MACROD2: variants seen among roughly 807,000 people sequenced by gnomAD.
The protein encoded by MACROD2 is mono-ADP ribosylhydrolase 2.
In MACROD2, 36 loss-of-function variants were observed where a neutral mutation model predicts 70.4. That is an observed-to-expected ratio of 0.51 (90% CI 0.39 to 0.68). MACROD2 has a LOEUF of 0.68. Among genes scored for constraint, MACROD2 ranks in the 30% least tolerant of loss-of-function variants. The pLI, the probability that MACROD2 is intolerant of heterozygous loss-of-function variation, is 0.00. For missense variants in MACROD2, 496 were observed against 538.4 expected, an observed-to-expected ratio of 0.92 and a Z score of 0.78; for synonymous variants, 172 against 178.8, an observed-to-expected ratio of 0.96 and a Z score of 0.30.
At chr20:14,385,981 G>A (rs149587532) in intron 3 of MACROD2, among the ~76,000 whole-genome samples, 1 of 152,046 alleles carries the variant, frequency 6.6e-6, no homozygotes, top group Non-Finnish European at 1.5e-5. Context: ...TGTATTGAAG[G>A]CATGTACATT....
At chr20:15,312,320 T>A (rs1179231963) in intron 6 of MACROD2, among the ~76,000 whole-genome samples, 1 of 152,236 alleles carries the variant, frequency 6.6e-6, no homozygotes, top group African/African-American at 2.4e-5. Flanking sequence ...CTATTTGGCT[T>A]TGATTTTTAA....
intron 5 of MACROD2, among the ~76,000 whole-genome samples, chr20:14,691,459 A>C (rs2123611508): frequency 6.6e-6 from 1 of 152,270 alleles, no homozygotes; most frequent in Middle Eastern, 3.4e-3. Flanking sequence ...GCCTAGAAAA[A>C]TATGGTGATT....
chr20:14,594,095 T>C (rs1981961012), intron 4 of MACROD2, among the ~76,000 whole-genome samples: 1 of 152,208 alleles, frequency 6.6e-6, no homozygotes, highest in South Asian at 2.1e-4. Flanking sequence ...CCAATGAAGA[T>C]AGTAGGAGTA....
chr20:15,902,645 G>T (rs901939736), intron 10 of MACROD2, among the ~76,000 whole-genome samples: 1 of 151,922 alleles, frequency 6.6e-6, no homozygotes, highest in African/African-American at 2.4e-5. Flanking sequence ...CTTGCTCTGG[G>T]GTAAGGCAGC....
chr20:14,683,553 A>G (rs914463687), intron 4 of MACROD2, among the ~76,000 whole-genome samples: 6 of 152,154 alleles, frequency 3.9e-5, no homozygotes, highest in Non-Finnish European at 7.4e-5. Flanking sequence ...CAAGTGGTGA[A>G]GTAATAAAGC....
At chr20:16,038,597 C>T (rs968723413) in intron 15 of MACROD2, among the ~76,000 whole-genome samples, 1 of 150,926 alleles carries the variant, frequency 6.6e-6, no homozygotes. Flanking sequence ...CTCTGATAAA[C>T]TACTTTGCCG....
chr20:15,590,896 A>AAG (rs374021454), intron 8 of MACROD2, among the ~76,000 whole-genome samples: 4 of 150,722 alleles, frequency 2.7e-5, no homozygotes, highest in Admixed American at 1.3e-4. Flanking sequence ...AAAGAGAGAA[A>AAG]AGAGAGAGAG....
At chr20:15,560,015 A>G (rs570463372) in intron 8 of MACROD2, among the ~76,000 whole-genome samples, 4 of 152,180 alleles carry the variant, frequency 2.6e-5, no homozygotes, top group African/African-American at 9.7e-5. Context: ...CTTTTTATTT[A>G]GTTCATCAAA....
intron 3 of MACROD2, among the ~76,000 whole-genome samples, chr20:14,198,916 A>G (rs559822579): frequency 6.6e-6 from 1 of 152,248 alleles, no homozygotes; most frequent in East Asian, 1.9e-4. Context: ...AAGCTAAAAG[A>G]TTTCTTTTTT....
intron 8 of MACROD2, among the ~76,000 whole-genome samples, chr20:15,819,446 AAT>A (rs201904777): frequency 0.063 from 9,089 of 144,394 alleles, 867 homozygotes; most frequent in African/African-American, 0.21. Context: ...TAATTATATA[AAT>A]ATATATAAAT....
chr20:15,113,191 A>G (rs1314380926), intron 5 of MACROD2, among the ~76,000 whole-genome samples: 6 of 150,998 alleles, frequency 4.0e-5, no homozygotes, highest in African/African-American at 1.5e-4. Flanking sequence ...GAGGAAATGC[A>G]ATACATTTTT....
intron 6 of MACROD2, among the ~76,000 whole-genome samples, chr20:15,425,743 G>A (rs1057087563): frequency 6.6e-6 from 1 of 152,186 alleles, no homozygotes; most frequent in Non-Finnish European, 1.5e-5. Flanking sequence ...AGCTGAAGGT[G>A]GAGTCATTTC....
At chr20:15,124,252 G>A (rs921752503) in intron 5 of MACROD2, among the ~76,000 whole-genome samples, 39 of 151,418 alleles carry the variant, frequency 2.6e-4, no homozygotes, top group African/African-American at 9.2e-4. Flanking sequence ...TAAAAATGTT[G>A]GAGTGTGAGA....
At chr20:14,813,308 AC>A (rs2072736184) in intron 5 of MACROD2, among the ~76,000 whole-genome samples, 1 of 151,792 alleles carries the variant, frequency 6.6e-6, no homozygotes, top group Admixed American at 6.6e-5. Context: ...ATTAAGCCTT[AC>A]ATGCATTATC....
chr20:15,930,958 C>G (rs975452085), intron 10 of MACROD2, among the ~76,000 whole-genome samples: 1 of 152,210 alleles, frequency 6.6e-6, no homozygotes, highest in East Asian at 1.9e-4. Context: ...CTCCCTACCC[C>G]TACTCTGTAG....
intron 4 of MACROD2, among the ~76,000 whole-genome samples, chr20:14,674,785 T>C (rs1437752061): frequency 6.6e-6 from 1 of 152,220 alleles, no homozygotes; most frequent in Admixed American, 6.5e-5. Context: ...TTTAACAAAT[T>C]TATGGTAATT....
At chr20:15,860,722 G>A (rs2064413768) in intron 8 of MACROD2, among the ~76,000 whole-genome samples, 1 of 151,984 alleles carries the variant, frequency 6.6e-6, no homozygotes, top group South Asian at 2.1e-4. Flanking sequence ...AAAGTATTAG[G>A]TCTTCAGTCA....
chr20:14,895,674 T>G (rs2073819328), intron 5 of MACROD2: 1 of 152,150 alleles, frequency 6.6e-6, no homozygotes, highest in East Asian at 1.9e-4. Flanking sequence ...TATAAGAATC[T>G]TCAATGTTTT....
At chr20:14,698,107 A>T (rs1372965409) in intron 5 of MACROD2, among the ~76,000 whole-genome samples, 1 of 152,138 alleles carries the variant, frequency 6.6e-6, no homozygotes, top group African/African-American at 2.4e-5. Flanking sequence ...AGCTGAAATG[A>T]ATCAAGTGAC....
Sources: gnomAD v4.1 joint callset for allele counts (sites outside exome capture counted in the v4.1 genomes callset) on GRCh38, gnomAD v4.1.1 for gene constraint, MANE v1.5 for transcripts, NCBI Gene and HGNC (gene_info 2026-07-23, HGNC 2026-07-21) for gene names.